The following PDE1C variants were observed in gnomAD, a reference collection of about 807,000 sequenced individuals.
The protein encoded by PDE1C is dual specificity calcium/calmodulin-dependent 3',5'-cyclic nucleotide phosphodiesterase 1C.
Under a neutral mutation model 93.1 loss-of-function variants are expected in PDE1C, and 62 were observed. That is an observed-to-expected ratio of 0.67 (90% CI 0.54 to 0.82). The LOEUF (loss-of-function observed/expected upper bound fraction) is 0.82, where lower values mean the gene tolerates loss of function less well. PDE1C is among the 40% of genes least tolerant of loss of function. The pLI is 0.00. For synonymous variants in PDE1C, 325 were observed against 310.1 expected (o/e 1.05, Z -0.50); for missense variants, 742 against 884.6 (o/e 0.84, Z 2.04).
At chr7:31,863,656 G>C (rs183004407) in intron 7 of PDE1C, among the ~76,000 whole-genome samples, 56 of 152,212 alleles carry the variant, frequency 3.7e-4, no homozygotes, top group African/African-American at 1.3e-3. Flanking sequence ...AATGATCATA[G>C]GTTTTACAAA....
intron 2 of PDE1C, among the ~76,000 whole-genome samples, chr7:31,916,588 G>C (rs765879872): frequency 2.0e-5 from 3 of 152,114 alleles, no homozygotes; most frequent in Non-Finnish European, 4.4e-5. Flanking sequence ...ACTTATCCCT[G>C]GGCAAGGACA....
At chr7:32,415,831 C>T (rs1305793824) in intron 1 of PDE1C, among the ~76,000 whole-genome samples, 1 of 152,200 alleles carries the variant, frequency 6.6e-6, no homozygotes, top group Non-Finnish European at 1.5e-5. Flanking sequence ...ATAGGCTAGT[C>T]ATCTCCAAGG....
chr7:31,870,552 T>C lies in PDE1C; in HGVS notation c.609+2740A>G, dbSNP rs116766337. Reference sequence around the variant, plus strand: ...CATACAACTTACCAAAATTGAATCATGAGGAAATTGAAAACCTGGACAGAC... The same window carrying C: ...CATACAACTTACCAAAATTGAATCACGAGGAAATTGAAAACCTGGACAGAC... On this transcript the variant is annotated intron_variant, in intron 6 of 17. Coordinates refer to ENST00000396191, the MANE Select transcript of PDE1C (RefSeq NM_001191057.4). Among the ~76,000 whole-genome samples, 470 of 152,074 alleles carry C rather than the reference T, an allele frequency of 3.1e-3. 4 individuals carry two copies. Among genetic ancestry groups the C allele is most frequent in the African/African-American group, 0.011 (439 of 41,544 alleles).
At chr7:32,078,800 A>C (rs1162028671) in intron 3 of PDE1C, among the ~76,000 whole-genome samples, 1 of 151,810 alleles carries the variant, frequency 6.6e-6, no homozygotes, top group African/African-American at 2.4e-5. Flanking sequence ...GGTGGTGCAC[A>C]CCTGTGGCCC....
chr7:31,852,829 T>C (rs558624796), intron 7 of PDE1C, among the ~76,000 whole-genome samples: 52 of 151,256 alleles, frequency 3.4e-4, no homozygotes, highest in Non-Finnish European at 6.6e-4. Flanking sequence ...TTTCTTGATA[T>C]TATCCATACA....
intron 16 of PDE1C, 120 bp downstream of exon 16, chr7:31,808,911 G>GT (rs548251229): frequency 1.2e-5 from 7 of 593,074 alleles, no homozygotes; most frequent in South Asian, 2.3e-5. Flanking sequence ...ATAGTGAAGG[G>GT]TTTTTTTCAG....
chr7:32,021,971 G>A (rs184540636), intron 2 of PDE1C, among the ~76,000 whole-genome samples: 1 of 152,104 alleles, frequency 6.6e-6, no homozygotes, highest in Admixed American at 6.5e-5. Flanking sequence ...GATGTTCTTA[G>A]TATCTCAATC....
At chr7:32,299,562 T>C (rs1422283368), upstream of PDE1C, among the ~76,000 whole-genome samples, 5 of 152,214 alleles carry the variant, frequency 3.3e-5, no homozygotes, top group Non-Finnish European at 7.3e-5. Context: ...CTCCTGGAAT[T>C]TGCTGATGTG....
At chr7:31,804,703 G>A (rs960417573) in intron 16 of PDE1C, among the ~76,000 whole-genome samples, 27 of 151,842 alleles carry the variant, frequency 1.8e-4, no homozygotes, top group Middle Eastern at 3.4e-3. Context: ...TTTGGCATAT[G>A]TGAATTGCCA....
rs763801947 is a variant in PDE1C, at chr7:32,128,906, AATATATATATATATATATAT to A, written c.308+40859_308+40878del. ...GTACCCTAGAACTTAAAGTATAACA[AATATATATATATATATATAT>A]ATATATATATATATATATATATATA... is the stretch of plus-strand genomic sequence containing the variant. On this transcript the variant is annotated intron_variant, in intron 3 of 18. Coordinates refer to the PDE1C transcript ENST00000396193. Among the ~76,000 whole-genome samples, 335 of 56,014 alleles carry A rather than the reference AATATATATATATATATATAT, an allele frequency of 6.0e-3. 21 individuals are homozygous for A. The highest frequency in any genetic ancestry group is 0.019 in the African/African-American group (281 of 14,964). 36.7% of individuals were successfully genotyped at this position (56,014 alleles called of 152,430 possible). A position where few individuals can be genotyped will look rare whatever the true frequency, so the allele number is the denominator to read the frequency against.
chr7:31,950,284 G>A (rs560319924), intron 2 of PDE1C, among the ~76,000 whole-genome samples: 1 of 152,314 alleles, frequency 6.6e-6, no homozygotes, highest in African/African-American at 2.4e-5. Context: ...TTATGAGGGT[G>A]TTGACATGAA....
At chr7:31,880,970 C>A in intron 2 of PDE1C, 110 bp from the exon 3 acceptor site, 1 of 709,644 alleles carries the variant, frequency 1.4e-6, no homozygotes, top group South Asian at 1.7e-5. Flanking sequence ...TATTCTGATA[C>A]ATCTGAAAGG....
chr7:32,270,206 C>T (rs902599619), intron 1 of PDE1C, among the ~76,000 whole-genome samples: 3 of 151,214 alleles, frequency 2.0e-5, no homozygotes, highest in South Asian at 4.2e-4. Flanking sequence ...CTCCAAAATC[C>T]GACAGTATTT....
At chr7:31,992,162 G>A (rs372677729) in intron 2 of PDE1C, among the ~76,000 whole-genome samples, 36 of 152,320 alleles carry the variant, frequency 2.4e-4, no homozygotes, top group African/African-American at 8.4e-4. Context: ...GCAGTACTGA[G>A]GCTGTGGTTT....
chr7:31,675,792 A>T, the PDE1C span, among the ~76,000 whole-genome samples: 1 of 152,112 alleles, frequency 6.6e-6, no homozygotes. Context: ...CAGCAATGAA[A>T]ATATAATTTT....
In PDE1C at chr7:32,298,687, C is replaced by T. The variant is rs772885431; in HGVS notation, c.49G>A (p.Ala17Thr). The T allele has an allele frequency of 3.1e-6, 5 of 1,607,664 alleles. No homozygotes were observed. In the South Asian group the frequency reaches 5.6e-5, roughly 18 times the overall value. The change falls in exon 1 of 19, where the codon GCC becomes ACC. Residue 17 changes from alanine (A) to threonine (T), a missense_variant. Transcript: ENST00000396193. Reference sequence around the variant, plus strand: ...CTGTAGCCATCGATGCTGAAAGTGGCGCTCCGGCATTTTTTGAAGCCCTCC... The same window carrying T: ...CTGTAGCCATCGATGCTGAAAGTGGTGCTCCGGCATTTTTTGAAGCCCTCC...
the PDE1C span, among the ~76,000 whole-genome samples, chr7:31,735,815 T>C: frequency 2.6e-5 from 4 of 152,192 alleles, no homozygotes; most frequent in African/African-American, 7.2e-5. Flanking sequence ...CGAAATTGTA[T>C]ATACGGTCAT....
intron 1 of PDE1C, among the ~76,000 whole-genome samples, chr7:32,282,157 T>TAAAAA (rs34769998): frequency 7.4e-6 from 1 of 134,694 alleles, no homozygotes; most frequent in Non-Finnish European, 1.6e-5. Flanking sequence ...TAAAGTATAA[T>TAAAAA]AAAAAAAAAA....
intron 1 of PDE1C, among the ~76,000 whole-genome samples, chr7:32,369,038 TA>T (rs1339281212): frequency 2.0e-5 from 3 of 152,086 alleles, no homozygotes; most frequent in African/African-American, 7.2e-5. Flanking sequence ...ACTGTAAAAC[TA>T]CTAGAAGAAA....
Sources: allele counts gnomAD v4.1 joint callset (sites outside exome capture counted in the v4.1 genomes callset), GRCh38; gene constraint gnomAD v4.1.1; transcripts MANE v1.5; gene names NCBI Gene and HGNC (gene_info 2026-07-23, HGNC 2026-07-21).